PRKCH: variants seen among roughly 807,000 people sequenced by gnomAD.
PRKCH encodes protein kinase C eta.
PRKCH carries 28 observed loss-of-function variants against 82.5 expected under a neutral mutation model. The observed-to-expected ratio is 0.34, with a 90% CI of 0.25 to 0.47. The LOEUF (loss-of-function observed/expected upper bound fraction) is 0.47. Ranked by LOEUF, PRKCH falls within the 20% of genes least tolerant of loss-of-function variation. PRKCH has a pLI of 1.00. For synonymous variants in PRKCH, 322 were observed against 327.4 expected, an observed-to-expected ratio of 0.98 and a Z score of 0.18; for missense variants, 705 against 881.8, an observed-to-expected ratio of 0.80 and a Z score of 2.54.
intron 12 of PRKCH, among the ~76,000 whole-genome samples, chr14:61,542,016 G>T (rs1031654323): frequency 6.6e-6 from 1 of 152,200 alleles, no homozygotes; most frequent in Non-Finnish European, 1.5e-5. Flanking sequence ...TAGGCCGGGC[G>T]TGGTGGCTCA....
chr14:61,445,681 C>G lies in PRKCH; in HGVS notation c.579-11C>G, dbSNP rs752741924. ...ATACTTGACTGATGGTAGTTTTCTTCTCTTCAACAGGGGAGTGTTTGGGAA... is the reference window on the plus strand; with the variant it reads ...ATACTTGACTGATGGTAGTTTTCTTGTCTTCAACAGGGGAGTGTTTGGGAA... On this transcript the variant is annotated splice_polypyrimidine_tract_variant and intron_variant, in intron 3 of 13. Coordinates refer to ENST00000332981, the MANE Select transcript of PRKCH (RefSeq NM_006255.5). 1.2e-6 allele frequency: 2 copies of G among 1,607,054 alleles called. No individual in the cohort carries two copies. The highest frequency in any genetic ancestry group is 4.5e-5 in the East Asian group (2 of 44,828).
chr14:61,513,253 TGTTCA>T (rs1473298286), intron 10 of PRKCH, among the ~76,000 whole-genome samples: 1 of 152,148 alleles, frequency 6.6e-6, no homozygotes, highest in African/African-American at 2.4e-5. Context: ...ACTCAGAGCT[TGTTCA>T]GTTCAGTTAG....
At chr14:61,293,071 A>G (rs1270265540) in intron 1 of PRKCH, among the ~76,000 whole-genome samples, 1 of 152,212 alleles carries the variant, frequency 6.6e-6, no homozygotes, top group East Asian at 1.9e-4. Flanking sequence ...TAAAGAGTGA[A>G]AGTGGAAAGT....
At chr14:61,269,537 C>T (rs1005170909) in intron 1 of PRKCH, among the ~76,000 whole-genome samples, 5 of 152,104 alleles carry the variant, frequency 3.3e-5, no homozygotes, top group Admixed American at 2.0e-4. Flanking sequence ...TCTCATGGGC[C>T]CCAGGGTGCG....
chr14:61,327,011 A>G (rs1019611219), intron 1 of PRKCH: 1 of 455,670 alleles, frequency 2.2e-6, no homozygotes, highest in Non-Finnish European at 4.4e-6. Context: ...TGCTGGGGAC[A>G]TGGGGAGGCA....
At chr14:61,395,293 C>CCA (rs1555383086) in intron 2 of PRKCH, among the ~76,000 whole-genome samples, 1 of 144,780 alleles carries the variant, frequency 6.9e-6, no homozygotes, top group African/African-American at 2.5e-5. Context: ...AAATGGAGCC[C>CCA]CCCCCCGCAT....
At chr14:61,525,814 G>A (rs781566002) in intron 10 of PRKCH, 2 of 152,264 alleles carry the variant, frequency 1.3e-5, no homozygotes, top group Non-Finnish European at 2.9e-5. Context: ...AAATGTGAGT[G>A]ATAGTGTTCT....
At chr14:61,194,645 C>G (rs992321744) in intron 1 of PRKCH, among the ~76,000 whole-genome samples, 3 of 152,214 alleles carry the variant, frequency 2.0e-5, no homozygotes, top group African/African-American at 4.8e-5. Flanking sequence ...CTAAGACATC[C>G]ATTTACCCTA....
At chr14:61,548,830 C>T (rs537961867) in intron 13 of PRKCH, among the ~76,000 whole-genome samples, 24 of 147,062 alleles carry the variant, frequency 1.6e-4, no homozygotes, top group African/African-American at 5.3e-4. Flanking sequence ...GTCATGCGCT[C>T]CAGCCTGGGC....
chr14:61,517,211 T>A (rs1404491332), intron 10 of PRKCH, among the ~76,000 whole-genome samples: 1 of 152,070 alleles, frequency 6.6e-6, no homozygotes, highest in East Asian at 1.9e-4. Flanking sequence ...TTCTTCTCTT[T>A]CCTGTCGTAA....
intron 1 of PRKCH, among the ~76,000 whole-genome samples, chr14:61,257,642 CACACACACGCAT>C (rs2045010544): frequency 6.6e-6 from 1 of 151,294 alleles, no homozygotes; most frequent in African/African-American, 2.4e-5. Flanking sequence ...CCCACACACA[CACACACACGCAT>C]ACACACACAT....
intron 1 of PRKCH, among the ~76,000 whole-genome samples, chr14:61,211,316 G>A (rs770003039): frequency 2.0e-5 from 3 of 152,156 alleles, no homozygotes; most frequent in South Asian, 4.1e-4. Context: ...GCCAACCTTC[G>A]GAGCCTCAAC....
At chr14:61,188,402 A>T (rs948123936) in intron 1 of PRKCH, among the ~76,000 whole-genome samples, 1 of 152,112 alleles carries the variant, frequency 6.6e-6, no homozygotes, top group African/African-American at 2.4e-5. Context: ...CGCGGCTCTC[A>T]GGCAGTTCTG....
intron 2 of PRKCH, among the ~76,000 whole-genome samples, chr14:61,435,274 A>C (rs1883622496): frequency 6.6e-6 from 1 of 152,182 alleles, no homozygotes; most frequent in Non-Finnish European, 1.5e-5. Context: ...CTTGCAACTT[A>C]AGTCCCTATC....
intron 2 of PRKCH, among the ~76,000 whole-genome samples, chr14:61,434,853 T>C (rs1222090848): frequency 4.6e-5 from 7 of 152,084 alleles, no homozygotes; most frequent in African/African-American, 1.7e-4. Flanking sequence ...AGACCCCAAC[T>C]CTACTTTTTA....
At chr14:61,421,370 A>G (rs532702550) in intron 2 of PRKCH, among the ~76,000 whole-genome samples, 311 of 152,288 alleles carry the variant, frequency 2.0e-3, no homozygotes, top group African/African-American at 7.2e-3. Flanking sequence ...AACTTTTATA[A>G]TGTACAAATT....
In PRKCH at chr14:61,280,330, T is replaced by C; in HGVS notation, c.-19+92662T>C. 3 of 1,613,886 alleles carry C rather than the reference T, an allele frequency of 1.9e-6. No homozygotes were observed. Among genetic ancestry groups the C allele is most frequent in the Admixed American group, 3.3e-5 (2 of 60,018 alleles). On this transcript the variant is annotated intron_variant, in intron 1 of 3. Transcript: ENST00000555185. This position sits in a 1 kb window ranked among gnomAD's most constrained non-coding sequence, Gnocchi z 5.0. Reference sequence around the variant, plus strand: ...GCCCCGCGGCAGCCCGGCCGAGTAGTTGCCCTGGCGGATGCGCGCGTACAG... The same window carrying C: ...GCCCCGCGGCAGCCCGGCCGAGTAGCTGCCCTGGCGGATGCGCGCGTACAG...
chr14:61,549,552 T>C lies in PRKCH; in HGVS notation c.1906-133T>C. 3.0e-6 allele frequency: 3 copies of C among 990,062 alleles called. No individual in the cohort carries two copies. The South Asian group carries it at 4.8e-5, about 16-fold the overall frequency. The allele number at this position is 990,062 out of a possible 1,614,324, so 61.3% of individuals were successfully genotyped here. ...GTAAAGCACAGTTTCATCATAACAATAACTGTAAATAATGCTACTGAACAA... is the reference window on the plus strand; with the variant it reads ...GTAAAGCACAGTTTCATCATAACAACAACTGTAAATAATGCTACTGAACAA... On this transcript the variant is annotated intron_variant, in intron 13 of 13. Transcript: ENST00000332981.
intron 1 of PRKCH, among the ~76,000 whole-genome samples, chr14:61,382,688 T>G (rs1432988859): frequency 6.6e-6 from 1 of 152,212 alleles, no homozygotes; most frequent in Non-Finnish European, 1.5e-5. Flanking sequence ...TGTCAACTTC[T>G]CTATTACAGA....
Sources: gnomAD v4.1 joint callset for allele counts (sites outside exome capture counted in the v4.1 genomes callset) on GRCh38, gnomAD v4.1.1 for gene constraint, Gnocchi (gnomAD v3.1) non-coding constraint, MANE v1.5 for transcripts, NCBI Gene and HGNC (gene_info 2026-07-23, HGNC 2026-07-21) for gene names.